ASAP1: variants seen among roughly 807,000 people sequenced by gnomAD.
The protein encoded by ASAP1 is ArfGAP with SH3 domain, ankyrin repeat and PH domain 1.
In ASAP1, 43 loss-of-function variants were observed where a neutral mutation model predicts 145.2. The ratio of observed to expected loss-of-function variants is 0.30; its 90% CI spans 0.23 to 0.38. The LOEUF is 0.38. Among genes scored for constraint, ASAP1 ranks in the 10% least tolerant of loss-of-function variants. The pLI is 1.00. For synonymous variants in ASAP1, 546 were observed against 515.5 expected (o/e 1.06, Z -0.80); for missense variants, 1,018 against 1,355.3 (o/e 0.75, Z 3.91).
intron 15 of ASAP1, among the ~76,000 whole-genome samples, 177 bp from the exon 16 acceptor site, chr8:130,128,267 G>A (rs957912069): frequency 6.7e-6 from 1 of 149,190 alleles, no homozygotes; most frequent in African/African-American, 2.5e-5. Flanking sequence ...AATCAAACTT[G>A]AAGGAAGGTG....
chr8:130,411,770 A>T (rs1829275207), intron 1 of ASAP1, among the ~76,000 whole-genome samples: 1 of 152,230 alleles, frequency 6.6e-6, no homozygotes, highest in Non-Finnish European at 1.5e-5. Context: ...GGCCTGACTC[A>T]GCGGCTTCCC....
chr8:130,187,218 A>G lies in ASAP1; in HGVS notation c.530+18T>C, dbSNP rs1019406817. The stretch of plus-strand genomic sequence containing the variant: ...ATATTAAAAAACAAACAAAAACTCT[A>G]AACAAAAAACCACTTACAACTTTGT... On this transcript the variant is annotated intron_variant, in intron 7 of 29. Transcript: ENST00000518721. 14 of 1,593,142 alleles carry G rather than the reference A, an allele frequency of 8.8e-6. No homozygotes were observed. The highest frequency in any genetic ancestry group is 1.2e-5 in the Non-Finnish European group (14 of 1,173,374).
At chr8:130,262,416 A>AAAAAAAAAAGAGAGAG (rs1819974520) in intron 3 of ASAP1, among the ~76,000 whole-genome samples, 2 of 57,850 alleles carry the variant, frequency 3.5e-5, no homozygotes, top group African/African-American at 1.4e-4. Context: ...AAAAAAAAAA[A>AAAAAAAAAAGAGAGAG]AGAGAGAGAG....
chr8:130,364,102 T>G (rs1404625938), intron 2 of ASAP1, among the ~76,000 whole-genome samples: 1 of 152,164 alleles, frequency 6.6e-6, no homozygotes, highest in Non-Finnish European at 1.5e-5. Context: ...TGTACTTAAT[T>G]CAATTTAAAT....
chr8:130,378,988 C>T (rs1398569585), intron 2 of ASAP1, among the ~76,000 whole-genome samples: 2 of 152,200 alleles, frequency 1.3e-5, no homozygotes, highest in Non-Finnish European at 1.5e-5. Flanking sequence ...GCACAGAACT[C>T]TTGCAGCCTC....
At chr8:130,315,778 A>T (rs1823630840) in intron 3 of ASAP1, among the ~76,000 whole-genome samples, 2 of 152,212 alleles carry the variant, frequency 1.3e-5, no homozygotes, top group Admixed American at 1.3e-4. Context: ...TGCAAAAGAA[A>T]AAAAGCAACA....
intron 4 of ASAP1, among the ~76,000 whole-genome samples, chr8:130,219,875 A>C (rs1182712143): frequency 6.6e-6 from 1 of 152,146 alleles, no homozygotes; most frequent in East Asian, 1.9e-4. Context: ...CTGCAGCCTC[A>C]ACCTACTGGG....
At chr8:130,086,743 G>A (rs28666821) in intron 25 of ASAP1, among the ~76,000 whole-genome samples, 4,374 of 152,290 alleles carry the variant, frequency 0.029, 203 homozygotes, top group African/African-American at 0.098. Flanking sequence ...GGTGGAGGCT[G>A]CAGTGAGCTA....
chr8:130,151,039 C>T (rs1228457430), intron 13 of ASAP1, among the ~76,000 whole-genome samples: 2 of 151,834 alleles, frequency 1.3e-5, no homozygotes, highest in Admixed American at 6.6e-5. Flanking sequence ...ATCTTTGATG[C>T]CTACACCAGA....
intron 4 of ASAP1, among the ~76,000 whole-genome samples, chr8:130,218,044 A>C (rs542222183): frequency 1.3e-5 from 2 of 152,252 alleles, no homozygotes; most frequent in East Asian, 3.9e-4. Context: ...TTACTATCCA[A>C]GTTCACTCAG....
chr8:130,142,987 T>C (rs534132634), intron 13 of ASAP1, among the ~76,000 whole-genome samples: 93 of 152,246 alleles, frequency 6.1e-4, no homozygotes, highest in African/African-American at 2.2e-3. Context: ...CGTACGGTAG[T>C]GGTGCTGGTG....
At chr8:130,434,422 A>G (rs984407895) in intron 1 of ASAP1, among the ~76,000 whole-genome samples, 2 of 152,238 alleles carry the variant, frequency 1.3e-5, no homozygotes, top group African/African-American at 4.8e-5. Flanking sequence ...TTCGTCGTAT[A>G]TAAAATGGGA....
At chr8:130,141,131 A>G (rs750641514) in intron 13 of ASAP1, among the ~76,000 whole-genome samples, 1 of 152,208 alleles carries the variant, frequency 6.6e-6, no homozygotes, top group Non-Finnish European at 1.5e-5. Flanking sequence ...AGTTTAGGAA[A>G]TGCTTTCATA....
intron 13 of ASAP1, among the ~76,000 whole-genome samples, chr8:130,144,442 C>A (rs568233116): frequency 6.6e-6 from 1 of 152,322 alleles, no homozygotes; most frequent in African/African-American, 2.4e-5. Context: ...AGTAAACTAA[C>A]CTATGTTTTA....
chr8:130,406,227 G>C lies in ASAP1; in HGVS notation c.-27-4257C>G, dbSNP rs375126217. On this transcript the variant is annotated intron_variant, in intron 1 of 29. Coordinates refer to ENST00000518721, the MANE Select transcript of ASAP1 (RefSeq NM_018482.4). ...AGAGCAAAGAACAAAAGAAAAGAAA[G>C]TTCATGATCTTAAAGGACTAATATT... 1.2e-4 allele frequency among the ~76,000 whole-genome samples: 18 copies of C among 151,902 alleles called. No individual in the cohort carries two copies. In the East Asian group the frequency reaches 3.1e-3, roughly 26 times the overall value.
chr8:130,320,649 T>C (rs1316305184), intron 3 of ASAP1, among the ~76,000 whole-genome samples: 1 of 149,432 alleles, frequency 6.7e-6, no homozygotes, highest in Non-Finnish European at 1.5e-5. Flanking sequence ...GAGTTAAAAA[T>C]GAAAATTATA....
In ASAP1 at chr8:130,087,750, C is replaced by A. The variant is rs2097496837; in HGVS notation, c.2572+4223G>T. Reference sequence around the variant, plus strand: ...GTTTGATTCCACATTTAATGTTAGGCAAGCGATCAGCGTGAACCCATTGAT... The same window carrying A: ...GTTTGATTCCACATTTAATGTTAGGAAAGCGATCAGCGTGAACCCATTGAT... On this transcript the variant is annotated intron_variant, in intron 25 of 29. Transcript: ENST00000518721. Among the ~76,000 whole-genome samples the A allele has an allele frequency of 2.0e-5, 3 of 152,148 alleles. No individual in the cohort carries two copies. The South Asian group carries it at 6.2e-4, about 32-fold the overall frequency.
intron 2 of ASAP1, among the ~76,000 whole-genome samples, chr8:130,373,849 GAAAA>G (rs1170269915): frequency 2.0e-5 from 1 of 50,906 alleles, no homozygotes; most frequent in African/African-American, 6.2e-5. Context: ...GGAGTCTCCA[GAAAA>G]AAAAAAAAAA....
intron 18 of ASAP1, 133 bp downstream of exon 18, chr8:130,123,880 A>G (rs2097570584): frequency 3.2e-6 from 2 of 620,346 alleles, no homozygotes; most frequent in East Asian, 3.0e-5. Context: ...CGTTTGCCTC[A>G]GCCTCCCAAA....
Sources: gnomAD v4.1 joint callset for allele counts (sites outside exome capture counted in the v4.1 genomes callset) on GRCh38, gnomAD v4.1.1 for gene constraint, MANE v1.5 for transcripts, NCBI Gene and HGNC (gene_info 2026-07-23, HGNC 2026-07-21) for gene names.